The following GRM8 variants were observed in gnomAD, a reference collection of about 807,000 sequenced individuals.
The protein encoded by GRM8 is glutamate metabotropic receptor 8.
Under a neutral mutation model 87.2 loss-of-function variants are expected in GRM8, and 47 were observed. The ratio of observed to expected loss-of-function variants is 0.54; its 90% confidence interval spans 0.43 to 0.69. The LOEUF (loss-of-function observed/expected upper bound fraction) is 0.69, where lower values mean the gene tolerates loss of function less well. Ranked by LOEUF, GRM8 falls within the 30% of genes least tolerant of loss-of-function variation. GRM8 has a pLI of 0.00. For synonymous variants in GRM8, 396 were observed against 404.5 expected (o/e 0.98, Z 0.25); for missense variants, 1,019 against 1,139.2 (o/e 0.89, Z 1.52).
intron 6 of GRM8, among the ~76,000 whole-genome samples, chr7:126,791,724 G>C (rs1232895215): frequency 6.6e-6 from 1 of 152,180 alleles, no homozygotes; most frequent in Admixed American, 6.5e-5. Flanking sequence ...CAGCTTGTGG[G>C]TAAAAGAACC....
chr7:126,501,736 C>T (rs1409553476), intron 9 of GRM8, among the ~76,000 whole-genome samples: 1 of 151,914 alleles, frequency 6.6e-6, no homozygotes, highest in East Asian at 1.9e-4. Context: ...CAGGTTCAGG[C>T]AGGGTGGCAG....
chr7:127,212,408 TTA>T (rs1796264064), intron 2 of GRM8, among the ~76,000 whole-genome samples: 6 of 127,360 alleles, frequency 4.7e-5, no homozygotes, highest in African/African-American at 1.5e-4. Context: ...GGACATGGTG[TTA>T]TTTTTTTTTT....
At chr7:126,492,488 T>C (rs1475559205) in intron 9 of GRM8, among the ~76,000 whole-genome samples, 1 of 152,088 alleles carries the variant, frequency 6.6e-6, no homozygotes, top group Non-Finnish European at 1.5e-5. Context: ...AGGAAATTAC[T>C]GACTTACACA....
chr7:126,464,595 T>C (rs1804277201), intron 9 of GRM8, among the ~76,000 whole-genome samples: 1 of 151,662 alleles, frequency 6.6e-6, no homozygotes, highest in African/African-American at 2.4e-5. Context: ...TCTCTGTTGG[T>C]ATGTTTTAAT....
At chr7:127,198,830 G>T (rs576092343) in intron 2 of GRM8, among the ~76,000 whole-genome samples, 51 of 136,994 alleles carry the variant, frequency 3.7e-4, no homozygotes, top group Non-Finnish European at 7.3e-4. Context: ...AAGCACCACC[G>T]TGCCTAATTT....
Position 126,826,662 on chromosome 7 carries a change from A to G in GRM8, c.1157-56597T>C, listed in dbSNP as rs575189439. ...TTGCGAAAATTTTCTCCCATTTTGT[A>G]GGTTGCCTGTTCACTCTGATGGTAG... is the stretch of plus-strand genomic sequence containing the variant. On this transcript the variant is annotated intron_variant, in intron 6 of 10. Coordinates refer to ENST00000339582, the MANE Select transcript of GRM8 (RefSeq NM_000845.3). 1.6e-4 allele frequency among the ~76,000 whole-genome samples: 25 copies of G among 152,106 alleles called. No homozygotes were observed. In the East Asian group the frequency reaches 2.3e-3, roughly 14 times the overall value.
chr7:126,873,994 A>AAT (rs1799324867), intron 6 of GRM8, among the ~76,000 whole-genome samples: 2 of 152,062 alleles, frequency 1.3e-5, no homozygotes, highest in African/African-American at 4.8e-5. Context: ...TATTAGGAAA[A>AAT]ATATATATAA....
At chr7:126,578,848 A>C (rs1048455487) in intron 8 of GRM8, among the ~76,000 whole-genome samples, 2 of 152,156 alleles carry the variant, frequency 1.3e-5, no homozygotes, top group African/African-American at 4.8e-5. Flanking sequence ...AAGAGGAAAA[A>C]AAAAGAACTT....
At position 126,505,716 on chromosome 7, in the gene GRM8, A is replaced by G. The variant is rs559084794; in HGVS notation, c.2430+27236T>C. Among the ~76,000 whole-genome samples, 13 of 152,210 alleles carry G rather than the reference A, an allele frequency of 8.5e-5. No individual in the cohort carries two copies. The East Asian group carries it at 2.3e-3, about 27-fold the overall frequency. Reference sequence around the variant, plus strand: ...TTGTTGAAGTATAATTGTCAAATAAAAACTGCATATATTCAAGGTGTAAAA... The same window carrying G: ...TTGTTGAAGTATAATTGTCAAATAAGAACTGCATATATTCAAGGTGTAAAA... On this transcript the variant is annotated intron_variant, in intron 9 of 10. Coordinates refer to ENST00000339582, the MANE Select transcript of GRM8 (RefSeq NM_000845.3).
intron 7 of GRM8, among the ~76,000 whole-genome samples, chr7:126,718,645 G>A (rs1812028813): frequency 6.6e-6 from 1 of 152,148 alleles, no homozygotes; most frequent in Admixed American, 6.5e-5. Flanking sequence ...CATTTGACTT[G>A]CATCTCCAGC....
intron 7 of GRM8, among the ~76,000 whole-genome samples, chr7:126,744,880 C>T (rs1329841748): frequency 2.0e-5 from 3 of 151,860 alleles, no homozygotes; most frequent in East Asian, 3.8e-4. Context: ...TTAAAATTGT[C>T]AAACAATATC....
At chr7:126,718,283 G>T (rs1811979720) in intron 7 of GRM8, among the ~76,000 whole-genome samples, 1 of 151,940 alleles carries the variant, frequency 6.6e-6, no homozygotes, top group South Asian at 2.1e-4. Flanking sequence ...TATTTACTCA[G>T]TTTTCCAGAG....
At chr7:126,486,458 C>T (rs1267821773) in intron 9 of GRM8, among the ~76,000 whole-genome samples, 1 of 151,946 alleles carries the variant, frequency 6.6e-6, no homozygotes, top group Admixed American at 6.6e-5. Flanking sequence ...ATCCCTGTTC[C>T]ACTCTCCCCT....
intron 2 of GRM8, among the ~76,000 whole-genome samples, chr7:127,150,451 TG>T (rs1828794314): frequency 6.6e-6 from 1 of 152,096 alleles, no homozygotes; most frequent in Non-Finnish European, 1.5e-5. Flanking sequence ...GGCATCAGGC[TG>T]TCCAAAGTCT....
chr7:127,122,706 T>A (rs1827157218), intron 2 of GRM8, among the ~76,000 whole-genome samples: 1 of 152,036 alleles, frequency 6.6e-6, no homozygotes, highest in Non-Finnish European at 1.5e-5. Flanking sequence ...CATTTTCTTT[T>A]GTAAACAAAT....
chr7:126,760,368 T>C (rs1016290512), intron 7 of GRM8, among the ~76,000 whole-genome samples: 10 of 152,160 alleles, frequency 6.6e-5, no homozygotes, highest in Non-Finnish European at 1.3e-4. Context: ...AGTCCTTATA[T>C]TTTAAAGGAG....
At chr7:126,595,698 T>C (rs1797112910) in intron 8 of GRM8, among the ~76,000 whole-genome samples, 1 of 152,108 alleles carries the variant, frequency 6.6e-6, no homozygotes, top group Non-Finnish European at 1.5e-5. Context: ...CTTTTTTATA[T>C]GGCCATGTAG....
intron 7 of GRM8, among the ~76,000 whole-genome samples, chr7:126,627,004 C>T (rs1022364373): frequency 1.3e-5 from 2 of 152,136 alleles, no homozygotes; most frequent in Non-Finnish European, 1.5e-5. Flanking sequence ...GTATTGCTTG[C>T]TTCCATTATT....
In GRM8 at chr7:126,583,384, T is replaced by TA. The variant is rs1191066967; in HGVS notation, c.1494+25977dup. Among the ~76,000 whole-genome samples the TA allele has an allele frequency of 3.3e-5, 5 of 151,266 alleles. No homozygotes were observed. In the East Asian group the frequency reaches 5.8e-4, roughly 18 times the overall value. ...ACACACACACATAAAATAATAAAAA[T>TA]AAAAAAATAAGAAAGAAAAGAAAAG... On this transcript the variant is annotated intron_variant, in intron 8 of 10. Coordinates refer to ENST00000339582, the MANE Select transcript of GRM8 (RefSeq NM_000845.3).
Sources: gnomAD v4.1 joint callset for allele counts (sites outside exome capture counted in the v4.1 genomes callset) on GRCh38, gnomAD v4.1.1 for gene constraint, MANE v1.5 for transcripts, NCBI Gene and HGNC (gene_info 2026-07-23, HGNC 2026-07-21) for gene names.